The following MCF2 variants were observed in gnomAD, a reference collection of about 807,000 sequenced individuals.
MCF2 encodes the protein proto-oncogene DBL.
MCF2 carries 44 observed loss-of-function variants against 82.5 expected under a neutral mutation model. The observed-to-expected ratio is 0.53, with a 90% CI of 0.42 to 0.69. MCF2 has a LOEUF of 0.69. Ranked by LOEUF, MCF2 falls within the 30% of genes least tolerant of loss-of-function variation. The pLI is 0.00. For missense variants in MCF2, 623 were observed against 663.1 expected (o/e 0.94, Z 0.66); for synonymous variants, 217 against 224.9 (o/e 0.96, Z 0.32).
chrX:139,607,868 G>C, intron 11 of MCF2, 89 bp from the exon 16 acceptor site: 1 of 555,459 alleles, frequency 1.8e-6, no homozygotes, highest in Non-Finnish European at 3.0e-6. Flanking sequence ...GTTTATTCTA[G>C]GTCCTAACTC....
chrX:139,674,252 C>G (rs1181349009), intron 1 of MCF2, among the ~76,000 whole-genome samples: 5 of 111,501 alleles, frequency 4.5e-5, no homozygotes, highest in African/African-American at 1.6e-4. Flanking sequence ...TACAGCACAC[C>G]AATGGGTCTT....
chrX:139,597,534 C>T, exon 18 of MCF2: 2 of 1,179,085 alleles, frequency 1.7e-6, no homozygotes, highest in Non-Finnish European at 2.3e-6. Context: ...GCATCGAGTG[C>T]CTTCTTCAAC....
chrX:139,690,336 G>A (rs1230426237), intron 1 of MCF2, among the ~76,000 whole-genome samples: 3 of 54,880 alleles, frequency 5.5e-5, no homozygotes, highest in African/African-American at 1.9e-4. Flanking sequence ...TCCTCCAAAG[G>A]AGTTTTTTTT....
At chrX:139,602,055 G>A (rs1190117716) in intron 16 of MCF2, among the ~76,000 whole-genome samples, 1 of 111,350 alleles carries the variant, frequency 9.0e-6, no homozygotes, top group Non-Finnish European at 1.9e-5. Context: ...TGACTATAGT[G>A]GAGATTTTGA....
chrX:139,612,488 T>G (rs913591631), intron 10 of MCF2, among the ~76,000 whole-genome samples: 2 of 110,404 alleles, frequency 1.8e-5, no homozygotes, highest in Non-Finnish European at 3.8e-5. Context: ...TTATTACATC[T>G]TGCTAAGTGC....
intron 1 of MCF2, among the ~76,000 whole-genome samples, chrX:139,695,711 G>A (rs959369430): frequency 1.8e-5 from 2 of 111,911 alleles, no homozygotes; most frequent in Non-Finnish European, 3.8e-5. Flanking sequence ...TTTCATGCCC[G>A]TTCATCCTAC....
intron 1 of MCF2, among the ~76,000 whole-genome samples, chrX:139,669,960 T>C (rs1156835277): frequency 8.9e-6 from 1 of 111,895 alleles, no homozygotes; most frequent in Non-Finnish European, 1.9e-5. Flanking sequence ...CAAAATGTTC[T>C]AAAATTGATT....
chrX:139,611,414 T>C (rs976786752), intron 10 of MCF2, among the ~76,000 whole-genome samples: 1 of 112,271 alleles, frequency 8.9e-6, no homozygotes, highest in Admixed American at 9.5e-5. Context: ...TATGCTCCAC[T>C]TCAAAGAAAC....
At chrX:139,657,595 A>C (rs778653932) in intron 1 of MCF2, among the ~76,000 whole-genome samples, 1 of 112,756 alleles carries the variant, frequency 8.9e-6, no homozygotes, top group South Asian at 3.7e-4. Flanking sequence ...GATGTTCTGA[A>C]AAAAAGTAAA....
intron 1 of MCF2, among the ~76,000 whole-genome samples, chrX:139,705,344 T>A (rs1313062916): frequency 8.9e-6 from 1 of 111,746 alleles, no homozygotes; most frequent in Non-Finnish European, 1.9e-5. Context: ...AAAGACAGCT[T>A]GGTAGTGGTA....
At chrX:139,672,484 A>G (rs12390253) in intron 1 of MCF2, among the ~76,000 whole-genome samples, 13,429 of 111,924 alleles carry the variant, frequency 0.12, 2,006 homozygotes, top group African/African-American at 0.41. Context: ...TTTGAGATAC[A>G]TTCCATCAAT....
chrX:139,625,522 C>A (rs1341736658), intron 6 of MCF2, among the ~76,000 whole-genome samples: 1 of 111,475 alleles, frequency 9.0e-6, no homozygotes, highest in East Asian at 2.8e-4. Context: ...GTAAGCCATT[C>A]ATGGGCAGAA....
At chrX:139,681,342 C>A (rs1403782576) in intron 1 of MCF2, among the ~76,000 whole-genome samples, 3 of 111,246 alleles carry the variant, frequency 2.7e-5, no homozygotes, top group Non-Finnish European at 5.7e-5. Context: ...TATGAAAGGG[C>A]AGCTCAACCT....
chrX:139,600,691 A>G (rs1269520508), intron 16 of MCF2, among the ~76,000 whole-genome samples: 4 of 111,843 alleles, frequency 3.6e-5, no homozygotes, highest in Admixed American at 2.9e-4. Flanking sequence ...TCAAGCAAAT[A>G]GCTTGAGACA....
intron 1 of MCF2, among the ~76,000 whole-genome samples, chrX:139,684,943 T>C (rs1211171156): frequency 1.8e-5 from 2 of 111,711 alleles, no homozygotes; most frequent in African/African-American, 3.3e-5. Context: ...CTAAAAACCA[T>C]TGAATTGCAT....
intron 1 of MCF2, among the ~76,000 whole-genome samples, chrX:139,700,431 GGAA>G (rs1023028509): frequency 6.3e-5 from 7 of 111,846 alleles, no homozygotes; most frequent in Non-Finnish European, 1.1e-4. Flanking sequence ...TATAATATTG[GGAA>G]GAAGAAGATA....
rs751151627 is a variant in MCF2, at chrX:139,590,531, C to G, written c.2278-604G>C. Among the ~76,000 whole-genome samples the G allele has an allele frequency of 1.2e-3, 97 of 78,052 alleles. 1 individual carries two copies. In the South Asian group the frequency reaches 0.042, roughly 34 times the overall value. 67.8% of individuals were successfully genotyped at this position (78,052 alleles called of 115,157 possible). A position where few individuals can be genotyped will look rare whatever the true frequency, so the allele number is the denominator to read the frequency against. On this transcript the variant is annotated intron_variant, in intron 19 of 24. Coordinates refer to ENST00000370576, the Ensembl canonical transcript of MCF2. Reference sequence around the variant, plus strand: ...TGTTGTCTTTTTGTACCCAGTGAAACTTCTGTACACAATATCTCTTCCTTA... The same window carrying G: ...TGTTGTCTTTTTGTACCCAGTGAAAGTTCTGTACACAATATCTCTTCCTTA...
chrX:139,695,165 G>A (rs1431529599), intron 1 of MCF2, among the ~76,000 whole-genome samples: 2 of 109,041 alleles, frequency 1.8e-5, no homozygotes, highest in Non-Finnish European at 3.8e-5. Flanking sequence ...TGAGTAGCTG[G>A]GATTACAGGC....
chrX:139,593,257 C>T (rs946935303), intron 19 of MCF2, among the ~76,000 whole-genome samples: 4 of 110,897 alleles, frequency 3.6e-5, no homozygotes, highest in East Asian at 5.7e-4. Flanking sequence ...TTTTTTATTG[C>T]GTCTATTTGA....
Sources: allele counts gnomAD v4.1 joint callset (sites outside exome capture counted in the v4.1 genomes callset), GRCh38; gene constraint gnomAD v4.1.1; transcripts MANE v1.5; gene names NCBI Gene and HGNC (gene_info 2026-07-23, HGNC 2026-07-21).